The following CPD variants were observed in gnomAD, a reference collection of about 807,000 sequenced individuals.
The protein encoded by CPD is metallocarboxypeptidase D.
CPD carries 69 observed loss-of-function variants against 138.3 expected under a neutral mutation model. The observed-to-expected ratio is 0.50, with a 90% CI of 0.41 to 0.61. The LOEUF is 0.61. CPD is among the 20% of genes least tolerant of loss of function. The pLI is 0.00. For synonymous variants in CPD, 651 were observed against 642.1 expected, an observed-to-expected ratio of 1.01 and a Z score of -0.21; for missense variants, 1,432 against 1,733.3, an observed-to-expected ratio of 0.83 and a Z score of 3.09.
intron 2 of CPD, among the ~76,000 whole-genome samples, chr17:30,404,662 A>G (rs574976808): frequency 3.3e-5 from 5 of 152,156 alleles, no homozygotes; most frequent in Admixed American, 6.6e-5. Context: ...TTATATTCAT[A>G]TTACTAAATT....
At chr17:30,389,113 G>A (rs1204861834) in intron 2 of CPD, among the ~76,000 whole-genome samples, 1 of 152,174 alleles carries the variant, frequency 6.6e-6, no homozygotes, top group East Asian at 1.9e-4. Context: ...GCTGCTCTGG[G>A]CCTGACCCCA....
intron 9 of CPD, among the ~76,000 whole-genome samples, chr17:30,440,588 A>C (rs1239439520): frequency 6.7e-6 from 1 of 149,294 alleles, no homozygotes; most frequent in African/African-American, 2.5e-5. Context: ...ATTTTTGTAT[A>C]AGGTATAAGG....
At chr17:30,461,336 G>C (rs376481048) in intron 18 of CPD, 25 bp downstream of exon 18, 1 of 1,522,874 alleles carries the variant, frequency 6.6e-7, no homozygotes, top group African/African-American at 1.4e-5. Context: ...TTTAACTAGA[G>C]GCAAACTCCC....
At chr17:30,409,971 C>A (rs1836931796) in intron 2 of CPD, among the ~76,000 whole-genome samples, 1 of 152,034 alleles carries the variant, frequency 6.6e-6, no homozygotes. Flanking sequence ...TTAGCTCTTT[C>A]CTGCTTTCTC....
intron 10 of CPD, 64 bp from the exon 11 acceptor site, chr17:30,443,738 C>A: frequency 7.0e-7 from 1 of 1,421,974 alleles, no homozygotes; most frequent in Non-Finnish European, 9.5e-7. Context: ...TTGAATATGA[C>A]CTCCCAAGAT....
In CPD at chr17:30,414,543, A is replaced by G. The variant is rs1341809066; in HGVS notation, c.995-6298A>G. On this transcript the variant is annotated intron_variant, in intron 2 of 20. Coordinates refer to ENST00000225719, the MANE Select transcript of CPD (RefSeq NM_001304.5). ...GCTTGCAGTGAGCTGAGATCACACC[A>G]CTGCACTCCAGCCTGGGTAACAGAG... 4.0e-5 allele frequency among the ~76,000 whole-genome samples: 6 copies of G among 151,766 alleles called. No individual in the cohort carries two copies. The East Asian group carries it at 1.2e-3, about 29-fold the overall frequency.
At chr17:30,426,577 C>T (rs1912414433) in intron 6 of CPD, among the ~76,000 whole-genome samples, 1 of 152,180 alleles carries the variant, frequency 6.6e-6, no homozygotes, top group Non-Finnish European at 1.5e-5. Flanking sequence ...GTCAGAATAA[C>T]ATCTCAGAAG....
chr17:30,449,572 T>C lies in CPD; in HGVS notation c.2893T>C (p.Tyr965His). 1.3e-6 allele frequency: 2 copies of C among 1,599,236 alleles called. No homozygotes were observed. The highest frequency in any genetic ancestry group is 2.3e-5 in the South Asian group (2 of 87,464). ...TGAAAGTTTGGGACAGAGCACTGAATATCGTCACATTTGGTCCCTTGAAAT... is the reference window on the plus strand; with the variant it reads ...TGAAAGTTTGGGACAGAGCACTGAACATCGTCACATTTGGTCCCTTGAAAT... ...NLTNLGQSTE[Y>H]RHIWSLEISN... Residue 965 changes from tyrosine (Y) to histidine (H), a missense_variant, in exon 13 of 21, where the codon TAT (tyrosine) becomes CAT (histidine). Tyr to His is a moderately conservative substitution (Grantham distance 83). Coordinates refer to ENST00000225719, the MANE Select transcript of CPD (RefSeq NM_001304.5).
chr17:30,408,481 A>G (rs899159755), intron 2 of CPD, among the ~76,000 whole-genome samples: 9 of 151,930 alleles, frequency 5.9e-5, no homozygotes, highest in South Asian at 2.1e-4. Context: ...CTTTTATTTC[A>G]TTGAGCAGTG....
intron 6 of CPD, among the ~76,000 whole-genome samples, chr17:30,424,704 G>A (rs1812977144): frequency 6.6e-6 from 1 of 152,070 alleles, no homozygotes; most frequent in African/African-American, 2.4e-5. Context: ...GCCTTCCCTG[G>A]GCAAGCCCAT....
chr17:30,390,708 G>T (rs1046379074), intron 2 of CPD, among the ~76,000 whole-genome samples: 11 of 152,158 alleles, frequency 7.2e-5, no homozygotes, highest in African/African-American at 2.7e-4. Flanking sequence ...CATTCAACAT[G>T]TCTCACAAAC....
At chr17:30,433,589 T>A (rs552313073) in intron 8 of CPD, among the ~76,000 whole-genome samples, 268 of 152,184 alleles carry the variant, frequency 1.8e-3, no homozygotes, top group African/African-American at 6.2e-3. Context: ...CAGCCTAGAG[T>A]GGTCACACTG....
chr17:30,401,835 T>C (rs975261732), intron 2 of CPD, among the ~76,000 whole-genome samples: 16 of 152,092 alleles, frequency 1.1e-4, no homozygotes, highest in Admixed American at 3.3e-4. Flanking sequence ...AAAATACCCA[T>C]GCATGGATTT....
intron 2 of CPD, among the ~76,000 whole-genome samples, chr17:30,385,592 CCTATA>C (rs1187997036): frequency 6.6e-6 from 1 of 151,894 alleles, no homozygotes; most frequent in East Asian, 1.9e-4. Flanking sequence ...CAACACTTTA[CCTATA>C]AGTTCCTCAG....
intron 19 of CPD, 100 bp from the exon 20 acceptor site, chr17:30,462,270 C>A: frequency 9.1e-7 from 1 of 1,094,190 alleles, no homozygotes; most frequent in Non-Finnish European, 1.3e-6. Flanking sequence ...GATGGCAATG[C>A]ATCATCTCCT....
At chr17:30,397,552 G>A (rs555512873) in intron 2 of CPD, among the ~76,000 whole-genome samples, 1 of 151,972 alleles carries the variant, frequency 6.6e-6, no homozygotes, top group South Asian at 2.1e-4. Context: ...GAGCAACATA[G>A]TGAGATATGT....
At chr17:30,380,562 G>A in intron 1 of CPD, 1 of 1,486,708 alleles carries the variant, frequency 6.7e-7, no homozygotes, top group Non-Finnish European at 8.9e-7. Flanking sequence ...CATTGCATGA[G>A]GTTTAAAAAA....
intron 8 of CPD, among the ~76,000 whole-genome samples, chr17:30,436,382 G>A (rs1784615880): frequency 6.6e-6 from 1 of 152,014 alleles, no homozygotes; most frequent in South Asian, 2.1e-4. Flanking sequence ...TTTTGATAAA[G>A]GTGTTATATC....
chr17:30,393,458 A>G (rs765375229), intron 2 of CPD, among the ~76,000 whole-genome samples: 1 of 152,224 alleles, frequency 6.6e-6, no homozygotes, highest in Non-Finnish European at 1.5e-5. Flanking sequence ...ATTGTAATCT[A>G]AAACAAAAAG....
Sources: allele counts gnomAD v4.1 joint callset (sites outside exome capture counted in the v4.1 genomes callset), GRCh38; gene constraint gnomAD v4.1.1; transcripts MANE v1.5; gene names NCBI Gene and HGNC (gene_info 2026-07-23, HGNC 2026-07-21).